Variants in NPC1 observed in about 807,000 individuals in gnomAD.
NPC1 encodes NPC intracellular cholesterol transporter 1.
A neutral mutation model predicts 140.4 loss-of-function variants in NPC1; 85 were observed. That is an observed-to-expected ratio of 0.61 (90% CI 0.51 to 0.72). The LOEUF (loss-of-function observed/expected upper bound fraction) is 0.72, where lower values mean the gene tolerates loss of function less well. Ranked by LOEUF, NPC1 falls within the 30% of genes least tolerant of loss-of-function variation. The pLI is 0.00. For synonymous variants in NPC1, 656 were observed against 624.8 expected (o/e 1.05, Z -0.74); for missense variants, 1,504 against 1,623.8 (o/e 0.93, Z 1.27).
intron 1 of NPC1, among the ~76,000 whole-genome samples, chr18:23,581,515 T>G (rs57303875): frequency 0.013 from 1,981 of 152,136 alleles, 41 homozygotes; most frequent in African/African-American, 0.045. Flanking sequence ...ATCTATAAAA[T>G]AGGAAAAACA....
chr18:23,514,756 C>A (rs2057955122), intron 3 of NPC1, among the ~76,000 whole-genome samples: 1 of 151,950 alleles, frequency 6.6e-6, no homozygotes, highest in Non-Finnish European at 1.5e-5. Context: ...TTAAGGTTAC[C>A]TAGATGGCTT....
chr18:23,547,167 T>A (rs1448286420), intron 11 of NPC1, among the ~76,000 whole-genome samples: 1 of 152,072 alleles, frequency 6.6e-6, no homozygotes, highest in African/African-American at 2.4e-5. Flanking sequence ...ATACCATATC[T>A]CAGTAAAACA....
chr18:23,570,626 T>C (rs1225850792), intron 3 of NPC1, among the ~76,000 whole-genome samples: 1 of 152,224 alleles, frequency 6.6e-6, no homozygotes, highest in African/African-American at 2.4e-5. Context: ...CCCTTTTTAA[T>C]ATTTGCTTCC....
rs1022634873 is a variant in NPC1, at chr18:23,584,054, C to T, written c.57+2233G>A. Among the ~76,000 whole-genome samples, 6 of 152,002 alleles carry T rather than the reference C, an allele frequency of 3.9e-5. No individual in the cohort carries two copies. The South Asian group carries it at 1.0e-3, about 26-fold the overall frequency. ...AGATAAAGCTTACCAAAATTACAGC[C>T]GGGAAAAATAAAGGCTATGTCTCAA... On this transcript the variant is annotated intron_variant, in intron 1 of 24. Transcript: ENST00000269228.
downstream of NPC1, among the ~76,000 whole-genome samples, chr18:23,518,649 A>G (rs1418942182): frequency 6.6e-6 from 1 of 152,202 alleles, no homozygotes; most frequent in East Asian, 1.9e-4. Context: ...TTTAGACTCT[A>G]TGCTTAGGTT....
intron 6 of NPC1, among the ~76,000 whole-genome samples, chr18:23,557,395 A>G (rs1008025585): frequency 3.3e-5 from 5 of 152,234 alleles, no homozygotes; most frequent in African/African-American, 1.2e-4. Flanking sequence ...ATGTTAAGAG[A>G]ACAATTAATA....
At chr18:23,520,448 G>T, downstream of NPC1, 2 of 733,038 alleles carry the variant, frequency 2.7e-6, no homozygotes, top group Non-Finnish European at 4.4e-6. Context: ...GATTTTGCCA[G>T]GGGCCATTTG....
chr18:23,573,640 C>G, intron 1 of NPC1, 66 bp from the exon 2 acceptor site: 1 of 1,591,276 alleles, frequency 6.3e-7, no homozygotes, highest in Non-Finnish European at 8.6e-7. Context: ...ACAAGAAGTG[C>G]CCACTCAAGT....
At chr18:23,509,316 T>C in intron 3 of NPC1, 3 of 1,051,512 alleles carry the variant, frequency 2.9e-6, no homozygotes, top group Non-Finnish European at 3.9e-6. Context: ...TGGTTAAAGT[T>C]CAGTGATAGC....
At chr18:23,510,700 C>T (rs1598850583) in intron 3 of NPC1, among the ~76,000 whole-genome samples, 1 of 151,650 alleles carries the variant, frequency 6.6e-6, no homozygotes, top group African/African-American at 2.4e-5. Flanking sequence ...AAAGAAGACA[C>T]ACATGCGACC....
In NPC1 at chr18:23,556,101, C is replaced by T. The variant is rs960727431; in HGVS notation, c.1326+142G>A. The T allele has an allele frequency of 5.5e-6, 4 of 732,338 alleles. No homozygotes were observed. In the African/African-American group the frequency reaches 6.9e-5, roughly 13 times the overall value. 45.4% of individuals were successfully genotyped at this position (732,338 alleles called of 1,614,324 possible). A position where few individuals can be genotyped will look rare whatever the true frequency, so the allele number is the denominator to read the frequency against. ...ACTTTCTTGAAACCTAACTTAAAGG[C>T]AGCTTTGCCATTATACGCTAAGATT... On this transcript the variant is annotated intron_variant, in intron 8 of 24. Transcript: ENST00000269228.
chr18:23,539,036 G>A (rs1266625383), intron 19 of NPC1: 1 of 450,808 alleles, frequency 2.2e-6, no homozygotes. Flanking sequence ...ATAAAGAAAA[G>A]CCCTCCTCTG....
intron 22 of NPC1, 88 bp from the exon 23 acceptor site, chr18:23,534,647 C>T: frequency 9.9e-7 from 1 of 1,012,900 alleles, no homozygotes; most frequent in Non-Finnish European, 1.5e-6. Context: ...TGCTAATTAC[C>T]CAGGGCACCC....
intron 4 of NPC1, among the ~76,000 whole-genome samples, chr18:23,568,497 G>A (rs1421685363): frequency 6.6e-6 from 1 of 152,116 alleles, no homozygotes; most frequent in Non-Finnish European, 1.5e-5. Context: ...TCTCAGTCTT[G>A]CAGTAATTTA....
downstream of NPC1, chr18:23,529,722 A>C (rs1598916961): frequency 1.2e-6 from 2 of 1,608,126 alleles, no homozygotes; most frequent in Non-Finnish European, 1.7e-6. Flanking sequence ...GGTACCTTCA[A>C]ATCATCTGGG....
chr18:23,576,655 T>TG (rs1435162030), intron 1 of NPC1: 1 of 212,470 alleles, frequency 4.7e-6, no homozygotes, highest in African/African-American at 2.4e-5. Context: ...GATGTTCAGA[T>TG]GTTTTCGGAG....
intron 4 of NPC1, among the ~76,000 whole-genome samples, chr18:23,564,996 ATTT>A (rs375084000): frequency 1.1e-3 from 160 of 152,256 alleles, no homozygotes; most frequent in African/African-American, 3.8e-3. Context: ...TAGATATATT[ATTT>A]ATTCTCAGTT....
chr18:23,541,022 T>C, intron 16 of NPC1, 46 bp downstream of exon 16: 1 of 1,605,922 alleles, frequency 6.2e-7, no homozygotes, highest in Non-Finnish European at 8.5e-7. Flanking sequence ...CATGTGATAA[T>C]CTGTTTCAGT....
chr18:23,509,590 G>C (rs192770559), intron 3 of NPC1: 1 of 153,844 alleles, frequency 6.5e-6, no homozygotes, highest in Non-Finnish European at 1.4e-5. Context: ...ACGGAGTTTC[G>C]CTCTTGTTGC....
Sources: gnomAD v4.1 joint callset for allele counts (sites outside exome capture counted in the v4.1 genomes callset) on GRCh38, gnomAD v4.1.1 for gene constraint, MANE v1.5 for transcripts, NCBI Gene and HGNC (gene_info 2026-07-23, HGNC 2026-07-21) for gene names.